Variants in CTDSP2 observed in about 807,000 individuals in gnomAD.
The protein encoded by CTDSP2 is CTD small phosphatase 2.
A neutral mutation model predicts 31.6 loss-of-function variants in CTDSP2; 9 were observed. That is an observed-to-expected ratio of 0.28 (90% CI 0.17 to 0.50). The LOEUF (loss-of-function observed/expected upper bound fraction) is 0.50. CTDSP2 is among the 20% of genes least tolerant of loss of function. CTDSP2 has a pLI of 0.98. For missense variants in CTDSP2, 267 were observed against 348.5 expected, an observed-to-expected ratio of 0.77 and a Z score of 1.86; for synonymous variants, 134 against 134.5, an observed-to-expected ratio of 1.00 and a Z score of 0.03.
At chr12:57,824,370 G>A (rs1273472266) in intron 5 of CTDSP2, 51 bp from the exon 6 acceptor site, 2 of 1,326,078 alleles carry the variant, frequency 1.5e-6, no homozygotes, top group South Asian at 2.4e-5. Flanking sequence ...ATGAAGGTTT[G>A]CAGTACTGGG....
At chr12:57,824,550 AGG>A in intron 5 of CTDSP2, 1 of 666,812 alleles carries the variant, frequency 1.5e-6, no homozygotes, top group Non-Finnish European at 2.9e-6. Flanking sequence ...AACCTGGCTC[AGG>A]AAGAAGCGCA....
chr12:57,843,588 G>T (rs1253452524), intron 1 of CTDSP2, among the ~76,000 whole-genome samples: 1 of 151,860 alleles, frequency 6.6e-6, no homozygotes, highest in East Asian at 1.9e-4. Context: ...ACCCAAGCTA[G>T]GAGCAATTTG....
At position 57,823,630 on chromosome 12, in the gene CTDSP2, G is replaced by C. The variant is rs775671388; in HGVS notation, c.788C>G (p.Thr263Ser). The part of the protein sequence containing the change: ...EELSGAEDVY[T>S]SLGQLRAP Reference sequence around the variant, plus strand: ...AGGGGCCCGCAGCTGCCCAAGGCTGGTGTAGACGTCCTCTGCTCCGCTCAG... The same window carrying C: ...AGGGGCCCGCAGCTGCCCAAGGCTGCTGTAGACGTCCTCTGCTCCGCTCAG... Residue 263 changes from threonine to serine, a missense_variant, in exon 8 of 8, where the codon ACC becomes AGC. Thr to Ser is a moderately conservative substitution (Grantham distance 58). Around this residue, in one of 2 missense-constraint regions of CTDSP2, gnomAD observed 156 missense variants for 241.3 expected, o/e 0.65. Coordinates refer to ENST00000398073, the MANE Select transcript of CTDSP2 (RefSeq NM_005730.4). The C allele has an allele frequency of 6.2e-7, 1 of 1,614,050 alleles. No homozygotes were observed.
In CTDSP2 at chr12:57,846,442, A is replaced by G. The variant is rs768655512; in HGVS notation, c.-7T>C. ...TGATGGAGCCGTGTTCCATCTAACA[A>G]TCCCGCGGGCCCGGGCTGGCTGGGC... On this transcript the variant is annotated 5_prime_UTR_variant, in exon 1 of 8. Transcript: ENST00000398073. The G allele has an allele frequency of 1.3e-6, 2 of 1,588,994 alleles. No individual in the cohort carries two copies. Among genetic ancestry groups the G allele is most frequent in the Non-Finnish European group, 8.6e-7 (1 of 1,168,744 alleles).
intron 1 of CTDSP2, among the ~76,000 whole-genome samples, chr12:57,841,753 G>A (rs934378570): frequency 3.9e-5 from 6 of 152,330 alleles, no homozygotes; most frequent in Non-Finnish European, 8.8e-5. Flanking sequence ...ACTACGTGCT[G>A]TTTACACTGT....
At chr12:57,839,781 C>A (rs920076044) in intron 1 of CTDSP2, among the ~76,000 whole-genome samples, 4 of 151,754 alleles carry the variant, frequency 2.6e-5, no homozygotes, top group Non-Finnish European at 5.9e-5. Flanking sequence ...AGCCATGTAC[C>A]CTTGGGCAAA....
rs370526118 is a variant in CTDSP2 at position 57,844,678 on chromosome 12, C to T, written c.64+1694G>A. Among the ~76,000 whole-genome samples, 176 of 152,174 alleles carry T rather than the reference C, an allele frequency of 1.2e-3. 5 individuals are homozygous for T. The South Asian group carries it at 0.035, about 30-fold the overall frequency. ...CACGCAGGCTCCCTTCCTTTTTCAG[C>T]CATCAGCACAGTTGAGCAGCCAGCA... On this transcript the variant is annotated intron_variant, in intron 1 of 7. Transcript: ENST00000398073.
At chr12:57,846,229 G>C (rs991243393) in intron 1 of CTDSP2, 143 bp downstream of exon 1, 17 of 686,488 alleles carry the variant, frequency 2.5e-5, no homozygotes, top group Non-Finnish European at 3.1e-5. Context: ...GCCGGGATGC[G>C]GGGGCGGATG....
intron 1 of CTDSP2, among the ~76,000 whole-genome samples, chr12:57,840,055 C>G (rs202126002): frequency 6.6e-6 from 1 of 152,070 alleles, no homozygotes; most frequent in Non-Finnish European, 1.5e-5. Context: ...TACAGTAAAA[C>G]GGGACCACCA....
intron 1 of CTDSP2, among the ~76,000 whole-genome samples, chr12:57,843,521 G>C (rs905656275): frequency 2.7e-5 from 4 of 149,642 alleles, no homozygotes; most frequent in African/African-American, 9.9e-5. Flanking sequence ...TCAGAGAACA[G>C]AATGCTAAAA....
intron 3 of CTDSP2, 178 bp downstream of exon 3, chr12:57,827,374 C>G (rs1453610855): frequency 2.9e-6 from 2 of 691,848 alleles, no homozygotes; most frequent in Non-Finnish European, 5.0e-6. Context: ...CAGCTGTCCC[C>G]TAAAATCTAA....
Position 57,823,260 on chromosome 12 carries a change from GGA to G in CTDSP2, c.*340_*341del. The G allele has an allele frequency of 2.9e-6, 1 of 341,286 alleles. No homozygotes were observed. Among genetic ancestry groups the G allele is most frequent in the Non-Finnish European group, 5.7e-6 (1 of 176,606 alleles). 21.1% of individuals were successfully genotyped at this position (341,286 alleles called of 1,614,324 possible). On this transcript the variant is annotated 3_prime_UTR_variant, in exon 8 of 8. Transcript: ENST00000398073. ...CAGTGGCTCTTAGGGTGACAGGAGA[GGA>G]GACAAGCTAACTTGGGAAGAGTCTT... is the stretch of plus-strand genomic sequence containing the variant.
intron 7 of CTDSP2, 25 bp downstream of exon 7, chr12:57,823,879 G>A (rs375983786): frequency 2.0e-5 from 33 of 1,612,744 alleles, no homozygotes; most frequent in South Asian, 4.4e-5. Flanking sequence ...AATCCCTACC[G>A]TGGAGACGCA....
rs182521191 is a variant in CTDSP2, at chr12:57,820,722, T to C, written c.*2880A>G. 3 of 152,674 alleles carry C rather than the reference T, an allele frequency of 2.0e-5. No individual in the cohort carries two copies. The highest frequency in any genetic ancestry group is 3.9e-4 in the East Asian group (2 of 5,190). The allele number at this position is 152,674 out of a possible 1,614,324, so 9.5% of individuals were successfully genotyped here. A position where few individuals can be genotyped will look rare whatever the true frequency, so the allele number is the denominator to read the frequency against. Reference sequence around the variant, plus strand: ...CTCAACCTCTCTAGTAAGGGACCCATGGGCCTACAGAGTGTTCCCTCTACA... The same window carrying C: ...CTCAACCTCTCTAGTAAGGGACCCACGGGCCTACAGAGTGTTCCCTCTACA... On this transcript the variant is annotated 3_prime_UTR_variant, in exon 8 of 8. Transcript: ENST00000398073.
At chr12:57,839,745 G>C (rs1956271395) in intron 1 of CTDSP2, among the ~76,000 whole-genome samples, 1 of 152,032 alleles carries the variant, frequency 6.6e-6, no homozygotes, top group African/African-American at 2.4e-5. Flanking sequence ...TGAAATGCCA[G>C]ACAATGCAAA....
chr12:57,828,934 G>A (rs1413437744), intron 2 of CTDSP2, among the ~76,000 whole-genome samples: 1 of 152,236 alleles, frequency 6.6e-6, no homozygotes, highest in Non-Finnish European at 1.5e-5. Context: ...TAACAGCATG[G>A]TAGAGTTTCA....
intron 1 of CTDSP2, among the ~76,000 whole-genome samples, chr12:57,836,610 C>A (rs1481886060): frequency 6.6e-6 from 1 of 152,108 alleles, no homozygotes; most frequent in Non-Finnish European, 1.5e-5. Flanking sequence ...CCACTGCACT[C>A]CAGCCTGGGT....
chr12:57,830,443 C>CA (rs1201445945), intron 1 of CTDSP2, among the ~76,000 whole-genome samples: 1 of 151,948 alleles, frequency 6.6e-6, no homozygotes, highest in Admixed American at 6.6e-5. Flanking sequence ...ACAACAACAA[C>CA]AAAAAACCAC....
chr12:57,834,591 C>A (rs918156733), intron 1 of CTDSP2, among the ~76,000 whole-genome samples: 6 of 152,152 alleles, frequency 3.9e-5, no homozygotes, highest in Non-Finnish European at 5.9e-5. Context: ...TGCATTGTTC[C>A]TTGGTTAAGG....
Sources: gnomAD v4.1 joint callset for allele counts (sites outside exome capture counted in the v4.1 genomes callset) on GRCh38, gnomAD v4.1.1 for gene constraint, gnomAD v4.1.1 regional missense constraint, MANE v1.5 for transcripts, NCBI Gene and HGNC (gene_info 2026-07-23, HGNC 2026-07-21) for gene names.